SLC5A10: variants seen among roughly 807,000 people sequenced by gnomAD.
SLC5A10 encodes the protein solute carrier family 5 member 10.
In SLC5A10, 55 loss-of-function variants were observed where a neutral mutation model predicts 68.9. The observed-to-expected ratio is 0.80, with a 90% CI of 0.64 to 1.00. The LOEUF (loss-of-function observed/expected upper bound fraction) is 1.00. Among genes scored for constraint, SLC5A10 ranks in the 50% least tolerant of loss-of-function variants. SLC5A10 has a pLI of 0.00. For missense variants in SLC5A10, 732 were observed against 819.3 expected, an observed-to-expected ratio of 0.89 and a Z score of 1.30; for synonymous variants, 344 against 344.8, an observed-to-expected ratio of 1.00 and a Z score of 0.02.
upstream of SLC5A10, among the ~76,000 whole-genome samples, chr17:18,951,351 G>A (rs570740191): frequency 1.4e-5 from 2 of 145,336 alleles, no homozygotes; most frequent in African/African-American, 2.6e-5. Flanking sequence ...CAATGGCTGC[G>A]TAATGGCGGA....
At chr17:18,955,499 C>T (rs1382080739) in intron 1 of SLC5A10, among the ~76,000 whole-genome samples, 1 of 152,198 alleles carries the variant, frequency 6.6e-6, no homozygotes, top group Non-Finnish European at 1.5e-5. Flanking sequence ...CATGTGGCCC[C>T]CAGCAACTGC....
At chr17:18,979,708 T>G (rs758662582) in intron 9 of SLC5A10, 26 of 1,610,896 alleles carry the variant, frequency 1.6e-5, no homozygotes, top group Non-Finnish European at 2.1e-5. Flanking sequence ...ATTACACGAC[T>G]GCAACCCTGA....
At chr17:18,962,577 G>A (rs2042631989) in intron 5 of SLC5A10, among the ~76,000 whole-genome samples, 1 of 152,214 alleles carries the variant, frequency 6.6e-6, no homozygotes, top group Non-Finnish European at 1.5e-5. Flanking sequence ...CCTGCAGTGA[G>A]AGATGAGGCA....
At chr17:18,958,172 G>T (rs984229346) in intron 1 of SLC5A10, among the ~76,000 whole-genome samples, 10 of 152,226 alleles carry the variant, frequency 6.6e-5, no homozygotes, top group African/African-American at 2.4e-4. Context: ...CTGGGCTCAA[G>T]AGATGCTCCC....
In SLC5A10 at chr17:18,996,220, A is replaced by T. The variant is rs543417735; in HGVS notation, c.983-17190A>T. ...AGGCAAACTAAAGACTTTTTCAAAT[A>T]TAAAAAAGCTGAGAGAATTCATTAC... is the stretch of plus-strand genomic sequence containing the variant. On this transcript the variant is annotated intron_variant, in intron 9 of 14. Transcript: ENST00000395645. This position sits in a 1 kb window ranked among gnomAD's most constrained non-coding sequence, Gnocchi z 4.4. 6.6e-6 allele frequency among the ~76,000 whole-genome samples: 1 copy of T among 151,492 alleles called. No homozygotes were observed. Among genetic ancestry groups the T allele is most frequent in the Non-Finnish European group, 1.5e-5 (1 of 68,028 alleles).
At chr17:19,006,288 T>TA (rs1483809239) in intron 9 of SLC5A10, among the ~76,000 whole-genome samples, 88 of 152,296 alleles carry the variant, frequency 5.8e-4, no homozygotes, top group African/African-American at 1.6e-3. Context: ...AGTGCAGTGG[T>TA]ATGTACAATC....
intron 6 of SLC5A10, 46 bp from the exon 7 acceptor site, chr17:18,969,295 CT>C: frequency 1.2e-6 from 2 of 1,600,388 alleles, no homozygotes; most frequent in Non-Finnish European, 1.7e-6. Flanking sequence ...CGTGTCCCTC[CT>C]CCCTGGGGCC....
rs1423105170 is a variant in SLC5A10 at position 19,003,717 on chromosome 17, T to C, written c.983-9693T>C. Reference sequence around the variant, plus strand: ...AGGGAGGGCAGCGGCTCGGCCTCGATGGGGACCCCATCCGCCCCGCTGGCT... The same window carrying C: ...AGGGAGGGCAGCGGCTCGGCCTCGACGGGGACCCCATCCGCCCCGCTGGCT... On this transcript the variant is annotated intron_variant, in intron 9 of 14. Coordinates refer to ENST00000395645, the MANE Select transcript of SLC5A10 (RefSeq NM_001042450.4). The surrounding 1 kb of genome is among the most constrained non-coding windows in gnomAD (Gnocchi z 4.5). 6.2e-7 allele frequency: 1 copy of C among 1,605,532 alleles called. No homozygotes were observed. Among genetic ancestry groups the C allele is most frequent in the Admixed American group, 1.7e-5 (1 of 59,320 alleles).
rs1478845996 is a variant in SLC5A10, at chr17:18,996,881, A to C, written c.983-16529A>C. ...TTGAAAGAAATACCTGACCATCAGC[A>C]CTGTCTGGAAGGTTAATGCCTGGGC... On this transcript the variant is annotated intron_variant, in intron 9 of 14. Coordinates refer to ENST00000395645, the MANE Select transcript of SLC5A10 (RefSeq NM_001042450.4). The surrounding 1 kb of genome is among the most constrained non-coding windows in gnomAD (Gnocchi z 4.4). Among the ~76,000 whole-genome samples, 1 of 152,168 alleles carries C rather than the reference A, an allele frequency of 6.6e-6. No homozygotes were observed. Among genetic ancestry groups the C allele is most frequent in the Non-Finnish European group, 1.5e-5 (1 of 68,036 alleles).
chr17:19,007,399 T>G (rs1390299515), intron 9 of SLC5A10, among the ~76,000 whole-genome samples: 1 of 152,132 alleles, frequency 6.6e-6, no homozygotes, highest in Admixed American at 6.5e-5. Context: ...AGTTTTAACT[T>G]TTTTACTTTT....
intron 9 of SLC5A10, among the ~76,000 whole-genome samples, chr17:19,011,802 T>G (rs1041575684): frequency 6.8e-6 from 1 of 147,354 alleles, no homozygotes; most frequent in Non-Finnish European, 1.5e-5. Flanking sequence ...ACTGCCAGGG[T>G]AGGGGGGACT....
In SLC5A10 at chr17:18,978,480, G is replaced by A. The variant is rs1195350632; in HGVS notation, c.982+1491G>A. 3.1e-6 allele frequency: 5 copies of A among 1,612,008 alleles called. No homozygotes were observed. In the South Asian group the frequency reaches 3.3e-5, roughly 11 times the overall value. Reference sequence around the variant, plus strand: ...CTCTCCAGGTGAAGCAGTCCTGGGTGGATGGGTGGCAGCAGCTCGGGGAGT... The same window carrying A: ...CTCTCCAGGTGAAGCAGTCCTGGGTAGATGGGTGGCAGCAGCTCGGGGAGT... On this transcript the variant is annotated intron_variant, in intron 9 of 14. Transcript: ENST00000395645.
intron 9 of SLC5A10, among the ~76,000 whole-genome samples, chr17:18,984,214 C>T (rs376761447): frequency 4.6e-5 from 7 of 151,960 alleles, no homozygotes; most frequent in African/African-American, 9.7e-5. Context: ...TGGTGGCGGG[C>T]CCCTGTAGTC....
At chr17:19,019,203 A>C (rs2044204513) in intron 11 of SLC5A10, 1 of 575,338 alleles carries the variant, frequency 1.7e-6, no homozygotes, top group African/African-American at 1.9e-5. Flanking sequence ...CAGCACTTAG[A>C]GTCAGGAGCT....
chr17:18,966,484 C>T (rs1466765720), intron 5 of SLC5A10, among the ~76,000 whole-genome samples: 1 of 152,194 alleles, frequency 6.6e-6, no homozygotes, highest in Non-Finnish European at 1.5e-5. Flanking sequence ...AGACTCTGGG[C>T]CGGGTGCGGT....
intron 9 of SLC5A10, among the ~76,000 whole-genome samples, chr17:18,989,561 G>T (rs1015821854): frequency 2.6e-5 from 4 of 152,222 alleles, no homozygotes; most frequent in Non-Finnish European, 4.4e-5. Context: ...GGCTTCTCTG[G>T]ACCCAGTTTT....
At chr17:18,986,157 G>A (rs1369193011) in intron 9 of SLC5A10, 1 of 152,226 alleles carries the variant, frequency 6.6e-6, no homozygotes, top group Non-Finnish European at 1.5e-5. Flanking sequence ...CTTTGGTTTT[G>A]GTTTTATAAT....
intron 5 of SLC5A10, among the ~76,000 whole-genome samples, chr17:18,965,689 C>T (rs540868261): frequency 6.6e-6 from 1 of 152,232 alleles, no homozygotes; most frequent in Non-Finnish European, 1.5e-5. Context: ...AGCCTTGCTC[C>T]CTCCCTGTGT....
At chr17:18,959,080 G>A in intron 2 of SLC5A10, 55 bp from the exon 3 acceptor site, 6 of 1,545,456 alleles carry the variant, frequency 3.9e-6, no homozygotes, top group Non-Finnish European at 5.3e-6. Flanking sequence ...TTAGGCCCAG[G>A]ATGGGGCCGG....
Sources: allele counts gnomAD v4.1 joint callset (sites outside exome capture counted in the v4.1 genomes callset), GRCh38; gene constraint gnomAD v4.1.1; non-coding constraint Gnocchi (gnomAD v3.1); transcripts MANE v1.5; gene names NCBI Gene and HGNC (gene_info 2026-07-23, HGNC 2026-07-21).